ITPR1: variants seen among roughly 807,000 people sequenced by gnomAD.
ITPR1 encodes the protein inositol 1,4,5-trisphosphate-gated calcium channel ITPR1.
In ITPR1, 96 loss-of-function variants were observed where a neutral mutation model predicts 318.4. The ratio of observed to expected loss-of-function variants is 0.30; its 90% CI spans 0.26 to 0.36. The LOEUF is 0.36. Among genes scored for constraint, ITPR1 ranks in the 10% least tolerant of loss-of-function variants. ITPR1 has a pLI of 1.00. For missense variants in ITPR1, 2,440 were observed against 3,460.2 expected (o/e 0.71, Z 7.40); for synonymous variants, 1,312 against 1,289.9 (o/e 1.02, Z -0.37).
At chr3:4,549,306 G>A (rs939370683) in intron 4 of ITPR1, among the ~76,000 whole-genome samples, 1 of 152,150 alleles carries the variant, frequency 6.6e-6, no homozygotes, top group Non-Finnish European at 1.5e-5. Flanking sequence ...ACATAATTTA[G>A]AGACTTAACC....
chr3:4,845,269 T>C (rs922982700), intron 61 of ITPR1, among the ~76,000 whole-genome samples: 1 of 152,216 alleles, frequency 6.6e-6, no homozygotes, highest in Non-Finnish European at 1.5e-5. Flanking sequence ...ATATTCCGTA[T>C]AGCCTTTTTA....
intron 4 of ITPR1, among the ~76,000 whole-genome samples, chr3:4,609,506 G>A (rs568611514): frequency 6.6e-6 from 1 of 152,202 alleles, no homozygotes; most frequent in East Asian, 1.9e-4. Flanking sequence ...GAAGGAATGT[G>A]TTCATTAGGG....
chr3:4,637,221 T>C (rs1352196917), intron 5 of ITPR1, among the ~76,000 whole-genome samples: 1 of 152,220 alleles, frequency 6.6e-6, no homozygotes, highest in Non-Finnish European at 1.5e-5. Context: ...CCCTTTGATA[T>C]TTTCCCCCTC....
intron 60 of ITPR1, among the ~76,000 whole-genome samples, chr3:4,820,060 C>G (rs1418656623): frequency 6.6e-6 from 1 of 152,190 alleles, no homozygotes; most frequent in Non-Finnish European, 1.5e-5. Context: ...TTTTAAGCAG[C>G]TTAGGGATTC....
chr3:4,763,322 A>T (rs1447140340), intron 44 of ITPR1, among the ~76,000 whole-genome samples: 2 of 152,126 alleles, frequency 1.3e-5, no homozygotes, highest in African/African-American at 4.8e-5. Flanking sequence ...TTTGTGACAA[A>T]CCTGCACGTC....
chr3:4,504,932 C>A (rs1050055050), intron 2 of ITPR1, among the ~76,000 whole-genome samples: 3 of 151,996 alleles, frequency 2.0e-5, no homozygotes, highest in Admixed American at 6.5e-5. Flanking sequence ...TGATCAAATG[C>A]CAGCACCTCT....
chr3:4,553,044 G>A (rs1186083539), intron 4 of ITPR1, among the ~76,000 whole-genome samples: 1 of 152,196 alleles, frequency 6.6e-6, no homozygotes, highest in African/African-American at 2.4e-5. Context: ...TCAGAAAACA[G>A]ATGTGTCTTT....
chr3:4,500,921 T>C (rs998076469), intron 2 of ITPR1, among the ~76,000 whole-genome samples: 1 of 152,190 alleles, frequency 6.6e-6, no homozygotes. Flanking sequence ...TGACATGATG[T>C]TGGCTCACTG....
chr3:4,535,442 A>ATTTTTTTTTTTTTTTTTTTTTTTATT (rs34152018), intron 4 of ITPR1, among the ~76,000 whole-genome samples: 6 of 100,982 alleles, frequency 5.9e-5, no homozygotes, highest in Non-Finnish European at 9.2e-5. Flanking sequence ...TTTTTTTTTA[A>ATTTTTTTTTTTTTTTTTTTTTTTATT]TTTTTTTTTT....
At chr3:4,505,261 C>T (rs750056778) in intron 2 of ITPR1, among the ~76,000 whole-genome samples, 2 of 152,168 alleles carry the variant, frequency 1.3e-5, no homozygotes, top group Non-Finnish European at 2.9e-5. Flanking sequence ...GGCATGATCT[C>T]AGCCCACTGC....
At chr3:4,793,356 T>A in intron 52 of ITPR1, among the ~76,000 whole-genome samples, 1 of 152,200 alleles carries the variant, frequency 6.6e-6, no homozygotes, top group Non-Finnish European at 1.5e-5. Flanking sequence ...GCCAGATCCT[T>A]TTCTTCCCCC....
intron 4 of ITPR1, among the ~76,000 whole-genome samples, chr3:4,626,370 A>T (rs1362936760): frequency 6.6e-6 from 1 of 152,168 alleles, no homozygotes; most frequent in Non-Finnish European, 1.5e-5. Context: ...AAACACATAG[A>T]TGCTTTAGGG....
intron 5 of ITPR1, among the ~76,000 whole-genome samples, chr3:4,637,265 T>G (rs2093219041): frequency 6.6e-6 from 1 of 152,236 alleles, no homozygotes; most frequent in Non-Finnish European, 1.5e-5. Flanking sequence ...TGAGAACTCT[T>G]AAGCAGAAAG....
At chr3:4,684,989 C>A in intron 29 of ITPR1, 80 bp from the exon 30 acceptor site, 1 of 1,440,004 alleles carries the variant, frequency 6.9e-7, no homozygotes, top group Non-Finnish European at 9.6e-7. Flanking sequence ...CCTTTGCCTC[C>A]CTGCCCGCCA....
At position 4,784,025 on chromosome 3, in the gene ITPR1, G is replaced by A. The variant is rs115548698; in HGVS notation, c.6615+105G>A. ...ATTCATTCATCTGAGCAATGGAAAT[G>A]TGAGTGTGTACTGTGTGCTAGGTCC... is the stretch of plus-strand genomic sequence containing the variant. On this transcript the variant is annotated intron_variant, in intron 51 of 61. Transcript: ENST00000649015. The A allele has an allele frequency of 6.6e-4, 516 of 779,134 alleles. 4 individuals are homozygous for A. In the African/African-American group the frequency reaches 7.8e-3, roughly 12 times the overall value. 48.3% of individuals were successfully genotyped at this position (779,134 alleles called of 1,614,324 possible).
intron 31 of ITPR1, among the ~76,000 whole-genome samples, chr3:4,689,111 G>A (rs1030854396): frequency 1.3e-5 from 2 of 152,166 alleles, no homozygotes; most frequent in Non-Finnish European, 2.9e-5. Flanking sequence ...ATTGTCTTGT[G>A]TTCTGCTTTT....
chr3:4,512,849 GATAATA>G (rs1360171951), intron 2 of ITPR1, among the ~76,000 whole-genome samples: 3 of 151,934 alleles, frequency 2.0e-5, no homozygotes, highest in Non-Finnish European at 2.9e-5. Flanking sequence ...CAAGCTAGAT[GATAATA>G]ATAATAATAA....
intron 21 of ITPR1, among the ~76,000 whole-genome samples, 164 bp from the exon 22 acceptor site, chr3:4,674,038 C>A (rs2094139509): frequency 6.6e-6 from 1 of 152,116 alleles, no homozygotes; most frequent in Non-Finnish European, 1.5e-5. Flanking sequence ...AGATAAACGA[C>A]TCAAATATAT....
intron 5 of ITPR1, among the ~76,000 whole-genome samples, chr3:4,629,134 C>T (rs561230544): frequency 2.6e-5 from 4 of 152,228 alleles, no homozygotes; most frequent in Non-Finnish European, 5.9e-5. Flanking sequence ...TGGTCCATGC[C>T]TGGACCCTGC....
Sources: gnomAD v4.1 joint callset for allele counts (sites outside exome capture counted in the v4.1 genomes callset) on GRCh38, gnomAD v4.1.1 for gene constraint, MANE v1.5 for transcripts, NCBI Gene and HGNC (gene_info 2026-07-23, HGNC 2026-07-21) for gene names.